Variants in COX10 observed in about 807,000 individuals in gnomAD.
COX10 encodes the protein protoheme IX farnesyltransferase, mitochondrial.
In COX10, 27 loss-of-function variants were observed where a neutral mutation model predicts 37.3. The observed-to-expected ratio is 0.72, with a 90% CI of 0.53 to 1.00. The LOEUF (loss-of-function observed/expected upper bound fraction) is 1.00, where lower values mean the gene tolerates loss of function less well. Ranked by LOEUF, COX10 falls within the 50% of genes least tolerant of loss-of-function variation. The pLI is 0.00. For missense variants in COX10, 475 were observed against 563.2 expected (o/e 0.84, Z 1.59); for synonymous variants, 222 against 229.1 (o/e 0.97, Z 0.28).
chr17:14,069,911 T>C (rs944039011), intron 1 of COX10, among the ~76,000 whole-genome samples: 2 of 152,098 alleles, frequency 1.3e-5, no homozygotes, highest in African/African-American at 2.4e-5. Context: ...CCTGCTTCTT[T>C]AGGTTTTCAG....
chr17:14,154,903 T>C (rs1905000233), intron 4 of COX10, among the ~76,000 whole-genome samples: 1 of 152,184 alleles, frequency 6.6e-6, no homozygotes, highest in South Asian at 2.1e-4. Flanking sequence ...GACCAGGGGA[T>C]ACAAATAAAG....
chr17:14,204,742 C>T (rs1313876482), intron 6 of COX10, among the ~76,000 whole-genome samples: 3 of 151,438 alleles, frequency 2.0e-5, no homozygotes, highest in East Asian at 2.0e-4. Context: ...TACACATACA[C>T]GCAGGCACAC....
chr17:14,141,055 G>A (rs538624377), intron 4 of COX10, among the ~76,000 whole-genome samples: 67 of 150,904 alleles, frequency 4.4e-4, no homozygotes, highest in Non-Finnish European at 8.0e-4. Context: ...TTTTTTTTGC[G>A]TAATCATGAG....
At chr17:14,146,147 C>T (rs1438871262) in intron 4 of COX10, among the ~76,000 whole-genome samples, 1 of 151,930 alleles carries the variant, frequency 6.6e-6, no homozygotes, top group African/African-American at 2.4e-5. Context: ...ACAAAAGACC[C>T]AGGATAGCCA....
intron 4 of COX10, among the ~76,000 whole-genome samples, chr17:14,108,426 A>G (rs963055458): frequency 3.3e-5 from 5 of 152,176 alleles, no homozygotes; most frequent in African/African-American, 4.8e-5. Flanking sequence ...CAGCGACTTT[A>G]CTTTGGAGAA....
chr17:14,162,730 G>A (rs1905195286), intron 5 of COX10, among the ~76,000 whole-genome samples: 1 of 151,712 alleles, frequency 6.6e-6, no homozygotes, highest in Non-Finnish European at 1.5e-5. Context: ...ATGTGAAGCA[G>A]TTCATATATA....
intron 5 of COX10, among the ~76,000 whole-genome samples, chr17:14,167,021 A>G (rs1396476563): frequency 6.6e-6 from 1 of 152,078 alleles, no homozygotes; most frequent in Non-Finnish European, 1.5e-5. Flanking sequence ...ACTGTCTGGA[A>G]AGGATTCACC....
Position 14,192,058 on chromosome 17 carries a change from G to T in COX10, c.765G>T (p.Val255=), listed in dbSNP as rs775447046. The T allele has an allele frequency of 2.5e-6, 4 of 1,614,186 alleles. No individual in the cohort carries two copies. Among genetic ancestry groups the T allele is most frequent in the Non-Finnish European group, 3.4e-6 (4 of 1,180,042 alleles). The change falls in exon 6 of 7, where the codon GTG becomes GTT. Residue 255 remains valine, a synonymous_variant. Transcript: ENST00000261643. The part of the protein sequence containing the change: ...VPGVAILTLG[V]NPLTGALGLF... Reference sequence around the variant, plus strand: ...GAGTTGCCATTCTGACCTTGGGGGTGAATCCACTCACAGGAGCCCTGGGGC... The same window carrying T: ...GAGTTGCCATTCTGACCTTGGGGGTTAATCCACTCACAGGAGCCCTGGGGC...
chr17:14,184,150 C>T (rs1220484714), intron 5 of COX10, among the ~76,000 whole-genome samples: 7 of 152,106 alleles, frequency 4.6e-5, no homozygotes, highest in Non-Finnish European at 7.3e-5. Flanking sequence ...AGTAGAAACC[C>T]ACCTTCCCTA....
chr17:14,076,687 G>T, intron 2 of COX10, 48 bp from the exon 3 acceptor site: 1 of 1,576,404 alleles, frequency 6.3e-7, no homozygotes, highest in South Asian at 1.1e-5. Flanking sequence ...AACCATTTGA[G>T]AGCATTTGGG....
intron 5 of COX10, among the ~76,000 whole-genome samples, chr17:14,190,008 G>C (rs1906152376): frequency 1.3e-5 from 2 of 152,138 alleles, no homozygotes; most frequent in Non-Finnish European, 2.9e-5. Flanking sequence ...CAAAAGTGGA[G>C]GGTTTATCTT....
At chr17:14,104,815 G>A (rs1056646043) in intron 4 of COX10, among the ~76,000 whole-genome samples, 1 of 152,090 alleles carries the variant, frequency 6.6e-6, no homozygotes, top group Non-Finnish European at 1.5e-5. Flanking sequence ...ATGAAGAAGT[G>A]ACTAGTGCAT....
intron 4 of COX10, among the ~76,000 whole-genome samples, chr17:14,128,879 C>G (rs1297511477): frequency 3.9e-5 from 6 of 152,234 alleles, no homozygotes; most frequent in Non-Finnish European, 8.8e-5. Context: ...GAGTCTTGCT[C>G]TGTCGCGCCC....
At chr17:14,203,052 C>A (rs1349623999) in intron 6 of COX10, among the ~76,000 whole-genome samples, 2 of 152,070 alleles carry the variant, frequency 1.3e-5, no homozygotes, top group Non-Finnish European at 2.9e-5. Context: ...TGTTTATGTC[C>A]ATCTCCCTCT....
chr17:14,092,826 C>G (rs1365758827), intron 3 of COX10, among the ~76,000 whole-genome samples: 1 of 152,126 alleles, frequency 6.6e-6, no homozygotes, highest in African/African-American at 2.4e-5. Context: ...GACTTAACTC[C>G]TTCCTCTGAA....
rs896519151 is a variant in COX10, at chr17:14,136,415, T to A, written c.625-23462T>A. On this transcript the variant is annotated intron_variant, in intron 4 of 6. Transcript: ENST00000261643. ...CTAAGTAATTATACATACCTTTTTT[T>A]AGACTTTTTTCTTTCTATTAGCAAA... Among the ~76,000 whole-genome samples the A allele has an allele frequency of 7.2e-5, 11 of 152,164 alleles. No individual in the cohort carries two copies. In the East Asian group the frequency reaches 1.3e-3, roughly 19 times the overall value.
chr17:14,140,347 T>C (rs942888167), intron 4 of COX10, among the ~76,000 whole-genome samples: 5 of 152,158 alleles, frequency 3.3e-5, no homozygotes, highest in Non-Finnish European at 7.4e-5. Flanking sequence ...CAGAGTAATC[T>C]TAGTTAACAT....
At chr17:14,183,657 A>G (rs76342629) in intron 5 of COX10, among the ~76,000 whole-genome samples, 2,791 of 135,944 alleles carry the variant, frequency 0.021, no homozygotes, top group East Asian at 0.15. Context: ...AATTGAAGAT[A>G]AAAATAGTGG....
At chr17:14,134,645 G>A (rs1916538197) in intron 4 of COX10, among the ~76,000 whole-genome samples, 1 of 151,748 alleles carries the variant, frequency 6.6e-6, no homozygotes, top group African/African-American at 2.4e-5. Context: ...ACACACTCTT[G>A]GAGAGGATTT....
Sources: gnomAD v4.1 joint callset for allele counts (sites outside exome capture counted in the v4.1 genomes callset) on GRCh38, gnomAD v4.1.1 for gene constraint, MANE v1.5 for transcripts, NCBI Gene and HGNC (gene_info 2026-07-23, HGNC 2026-07-21) for gene names.